The following HDAC5 variants were observed in gnomAD, a reference collection of about 807,000 sequenced individuals.
HDAC5 encodes histone deacetylase 5.
In HDAC5, 25 loss-of-function variants were observed where a neutral mutation model predicts 133.3. That is an observed-to-expected ratio of 0.19 (90% CI 0.14 to 0.26). HDAC5 has a LOEUF of 0.26. Ranked by LOEUF, HDAC5 falls within the 10% of genes least tolerant of loss-of-function variation. The pLI is 1.00. For missense variants in HDAC5, 1,041 were observed against 1,460.5 expected, an observed-to-expected ratio of 0.71 and a Z score of 4.68; for synonymous variants, 589 against 610.8, an observed-to-expected ratio of 0.96 and a Z score of 0.53.
intron 3 of HDAC5, among the ~76,000 whole-genome samples, chr17:44,094,330 A>C (rs1453235021): frequency 6.6e-6 from 1 of 151,286 alleles, no homozygotes; most frequent in East Asian, 1.9e-4. Context: ...TCCAGAAAAA[A>C]AAAAAACAAA....
intron 15 of HDAC5, 73 bp from the exon 16 acceptor site, chr17:44,084,748 G>A (rs1002898658): frequency 9.6e-6 from 15 of 1,563,816 alleles, no homozygotes; most frequent in Non-Finnish European, 1.3e-5. Context: ...CCATAGCCAG[G>A]GCACACAGAG....
At position 44,078,079 on chromosome 17, in the gene HDAC5, C is replaced by T; in HGVS notation, c.*297G>A. Reference sequence around the variant, plus strand: ...AGAGTACTGTCTGGGCCCCCGTGCCCACCTTGAGCTGGCCCAGGCTCCAAG... The same window carrying T: ...AGAGTACTGTCTGGGCCCCCGTGCCTACCTTGAGCTGGCCCAGGCTCCAAG... On this transcript the variant is annotated 3_prime_UTR_variant, in exon 27 of 27. Coordinates refer to ENST00000682912, the MANE Select transcript of HDAC5 (RefSeq NM_005474.5). 2 of 321,456 alleles carry T rather than the reference C, an allele frequency of 6.2e-6. No homozygotes were observed. The highest frequency in any genetic ancestry group is 1.1e-5 in the Non-Finnish European group (2 of 175,708). The allele number at this position is 321,456 out of a possible 1,614,324, so 19.9% of individuals were successfully genotyped here.
chr17:44,086,827 A>C, intron 13 of HDAC5, 90 bp from the exon 14 acceptor site: 1 of 988,232 alleles, frequency 1.0e-6, no homozygotes, highest in Non-Finnish European at 1.3e-6. Context: ...TGGGGCCCCA[A>C]TCCAGCCCTT....
chr17:44,111,325 G>A (rs1019804810), intron 2 of HDAC5: 7 of 328,094 alleles, frequency 2.1e-5, no homozygotes, highest in African/African-American at 1.3e-4. Flanking sequence ...AGCTGCGGGC[G>A]GGCTGCCAGG....
rs748263758 is a variant in HDAC5 at position 44,085,000 on chromosome 17, G to A, written c.2184+22C>T. ...AAGGCTGGATTTAAGTTGAGAGCCA[G>A]AAGAAGGAGGGGCTCCCTTACCTCG... is the stretch of plus-strand genomic sequence containing the variant. On this transcript the variant is annotated intron_variant, in intron 15 of 26. Transcript: ENST00000682912. 7.0e-6 allele frequency: 11 copies of A among 1,570,710 alleles called. 1 individual carries two copies. The African/African-American group carries it at 8.1e-5, about 12-fold the overall frequency.
intron 22 of HDAC5, 33 bp downstream of exon 22, chr17:44,080,368 C>T: frequency 6.2e-7 from 1 of 1,600,564 alleles, no homozygotes; most frequent in East Asian, 2.2e-5. Flanking sequence ...AGAGGGGCTC[C>T]CACTGACTAC....
intron 6 of HDAC5, 39 bp downstream of exon 6, chr17:44,093,053 G>T (rs2051042137): frequency 2.0e-6 from 3 of 1,479,992 alleles, no homozygotes; most frequent in African/African-American, 2.8e-5. Context: ...CCCCTGAGCG[G>T]CTCACCTATG....
In HDAC5 at chr17:44,086,717, C is replaced by T. The variant is rs375226345; in HGVS notation, c.1905G>A (p.Pro635=). 4.0e-5 allele frequency: 52 copies of T among 1,297,716 alleles called. No homozygotes were observed. Among genetic ancestry groups the T allele is most frequent in the Middle Eastern group, 2.2e-4 (1 of 4,506 alleles). 80.4% of individuals were successfully genotyped at this position (1,297,716 alleles called of 1,614,324 possible). The change falls in exon 14 of 27, where the codon CCG becomes CCA. Residue 635 remains proline, a synonymous_variant. Coordinates refer to ENST00000682912, the MANE Select transcript of HDAC5 (RefSeq NM_005474.5). ...GYKKLFSDAQ[P]LQPLQVYQAP... ...CCTGGTACACCTGCAAAGGCTGCAGCGGCTGGGCATCTGAGAACAGCTGGA... is the reference window on the plus strand; with the variant it reads ...CCTGGTACACCTGCAAAGGCTGCAGTGGCTGGGCATCTGAGAACAGCTGGA...
chr17:44,083,081 C>T (rs376734172), intron 18 of HDAC5, among the ~76,000 whole-genome samples: 8 of 152,126 alleles, frequency 5.3e-5, no homozygotes, highest in South Asian at 2.1e-4. Context: ...CAGGCTCAGA[C>T]AATCCTTCCA....
intron 3 of HDAC5, among the ~76,000 whole-genome samples, chr17:44,105,658 C>A (rs1008109685): frequency 3.3e-5 from 5 of 152,196 alleles, no homozygotes; most frequent in Non-Finnish European, 7.4e-5. Flanking sequence ...GGGGTTTAGA[C>A]ACCTGCTCCC....
At chr17:44,082,860 C>A in intron 18 of HDAC5, 40 bp from the exon 19 acceptor site, 1 of 1,542,052 alleles carries the variant, frequency 6.5e-7, no homozygotes, top group South Asian at 1.2e-5. Context: ...AAGATCCAGG[C>A]AGGAAGGCCG....
At chr17:44,094,430 G>A (rs1450780423) in intron 3 of HDAC5, among the ~76,000 whole-genome samples, 1 of 152,062 alleles carries the variant, frequency 6.6e-6, no homozygotes, top group Non-Finnish European at 1.5e-5. Context: ...GAGGTCAGGA[G>A]ATCAAGACCA....
chr17:44,114,441 G>GC (rs1491253022), intron 2 of HDAC5, among the ~76,000 whole-genome samples: 16 of 151,686 alleles, frequency 1.1e-4, no homozygotes, highest in Admixed American at 9.9e-4. Context: ...CAGGCGTGGG[G>GC]GGGGGGGGCT....
At chr17:44,120,651 A>G (rs2052930394) in intron 1 of HDAC5, 2 of 151,950 alleles carry the variant, frequency 1.3e-5, no homozygotes, top group Non-Finnish European at 2.9e-5. Flanking sequence ...CTGAGGCAGG[A>G]GAATCACTCG....
chr17:44,091,538 T>C, intron 10 of HDAC5, 46 bp from the exon 11 acceptor site: 1 of 1,517,514 alleles, frequency 6.6e-7, no homozygotes, highest in Non-Finnish European at 8.9e-7. Flanking sequence ...TCCTGCCAAC[T>C]TTGGACTAGC....
At chr17:44,111,337 G>A in intron 2 of HDAC5, 1 of 328,368 alleles carries the variant, frequency 3.0e-6, no homozygotes, top group Non-Finnish European at 6.1e-6. Flanking sequence ...GCTGCCAGGA[G>A]GCCCCATGGG....
chr17:44,116,240 C>T (rs978218283), intron 2 of HDAC5, among the ~76,000 whole-genome samples: 1 of 152,210 alleles, frequency 6.6e-6, no homozygotes, highest in African/African-American at 2.4e-5. Flanking sequence ...CATGGCTGAG[C>T]TTGCTGGGGT....
At chr17:44,092,905 T>C in intron 6 of HDAC5, 99 bp from the exon 7 acceptor site, 1 of 657,600 alleles carries the variant, frequency 1.5e-6, no homozygotes. Context: ...AAATCGTTTG[T>C]ATATAGGAAG....
At chr17:44,122,195 G>A (rs1048917770) in intron 1 of HDAC5, among the ~76,000 whole-genome samples, 4 of 152,208 alleles carry the variant, frequency 2.6e-5, no homozygotes, top group African/African-American at 9.6e-5. Flanking sequence ...TCAACAGCCA[G>A]CATAGGCTCA....
Sources: gnomAD v4.1 joint callset for allele counts (sites outside exome capture counted in the v4.1 genomes callset) on GRCh38, gnomAD v4.1.1 for gene constraint, MANE v1.5 for transcripts, NCBI Gene and HGNC (gene_info 2026-07-23, HGNC 2026-07-21) for gene names.